Variants in GPC5 observed in about 807,000 individuals in gnomAD.
The protein encoded by GPC5 is glypican 5, also known as glypican-5.
Under a neutral mutation model 53.9 loss-of-function variants are expected in GPC5, and 47 were observed. The observed-to-expected ratio is 0.87, with a 90% CI of 0.69 to 1.11. GPC5 has a LOEUF of 1.11. Among genes scored for constraint, GPC5 ranks in the 50% most tolerant of loss-of-function variants. The pLI is 0.00. For missense variants in GPC5, 748 were observed against 713.1 expected (o/e 1.05, Z -0.56); for synonymous variants, 286 against 263.3 (o/e 1.09, Z -0.84).
chr13:91,710,554 C>A (rs2036202745), intron 3 of GPC5, among the ~76,000 whole-genome samples: 1 of 152,116 alleles, frequency 6.6e-6, no homozygotes, highest in African/African-American at 2.4e-5. Context: ...ATAATCTATT[C>A]TAAATAGCTC....
intron 7 of GPC5, among the ~76,000 whole-genome samples, chr13:92,668,011 A>T (rs1168508130): frequency 6.6e-6 from 1 of 152,164 alleles, no homozygotes; most frequent in Non-Finnish European, 1.5e-5. Flanking sequence ...AGAGCTATAA[A>T]TGCTTTAAAA....
intron 7 of GPC5, among the ~76,000 whole-genome samples, chr13:92,709,163 C>T (rs1470491582): frequency 1.3e-5 from 2 of 151,840 alleles, no homozygotes; most frequent in Non-Finnish European, 2.9e-5. Context: ...TCTCCTGCCT[C>T]AGCCTCCCAA....
chr13:92,122,312 C>T (rs368477576), intron 6 of GPC5, among the ~76,000 whole-genome samples: 1 of 149,876 alleles, frequency 6.7e-6, no homozygotes, highest in Non-Finnish European at 1.5e-5. Context: ...TCTGCTGGCC[C>T]TTTTGCTTTT....
chr13:92,342,515 C>A (rs878942968), intron 7 of GPC5, among the ~76,000 whole-genome samples: 1 of 152,056 alleles, frequency 6.6e-6, no homozygotes, highest in African/African-American at 2.4e-5. Flanking sequence ...GCTTGTGCAC[C>A]TCTTCTTCCA....
chr13:92,561,645 T>C (rs111747802), intron 7 of GPC5, among the ~76,000 whole-genome samples: 1 of 152,162 alleles, frequency 6.6e-6, no homozygotes, highest in African/African-American at 2.4e-5. Context: ...CTGTGCAGTG[T>C]TATCATTAGT....
intron 6 of GPC5, among the ~76,000 whole-genome samples, chr13:91,951,019 T>A (rs2040021386): frequency 6.6e-6 from 1 of 152,152 alleles, no homozygotes; most frequent in Admixed American, 6.6e-5. Flanking sequence ...TGTTTTAGGG[T>A]GTGTACTGAT....
At chr13:92,446,860 A>G (rs1182910333) in intron 7 of GPC5, 2 of 150,764 alleles carry the variant, frequency 1.3e-5, no homozygotes, top group Non-Finnish European at 3.0e-5. Context: ...TGCAGTTTTG[A>G]TTTGCATTTA....
At chr13:92,264,329 G>A (rs1235955531) in intron 7 of GPC5, among the ~76,000 whole-genome samples, 2 of 152,052 alleles carry the variant, frequency 1.3e-5, no homozygotes, top group African/African-American at 2.4e-5. Context: ...TACCTTGTAA[G>A]AGTAAACCCA....
chr13:92,443,735 A>G lies in GPC5; in HGVS notation c.1561+298746A>G, dbSNP rs149404537. On this transcript the variant is annotated intron_variant, in intron 7 of 7. Coordinates refer to ENST00000377067, the MANE Select transcript of GPC5 (RefSeq NM_004466.6). ...AGCGGTATGTAGAACATGTTACAAC[A>G]GTACAGAGGCAGCAAAAAGATGCAG... 1.3e-3 allele frequency among the ~76,000 whole-genome samples: 201 copies of G among 152,342 alleles called. 1 individual carries two copies. Among genetic ancestry groups the G allele is most frequent in the African/African-American group, 4.4e-3 (185 of 41,584 alleles).
intron 2 of GPC5, among the ~76,000 whole-genome samples, chr13:91,650,811 GA>G (rs1347760703): frequency 3.6e-5 from 5 of 139,598 alleles, no homozygotes; most frequent in African/African-American, 8.3e-5. Context: ...TCAACTGGGG[GA>G]AAAATCTTTT....
At chr13:92,460,364 A>T (rs1878429501) in intron 7 of GPC5, among the ~76,000 whole-genome samples, 1 of 152,184 alleles carries the variant, frequency 6.6e-6, no homozygotes, top group Non-Finnish European at 1.5e-5. Flanking sequence ...TTTACTCCCC[A>T]AACAGAATAC....
At chr13:92,584,121 GA>G (rs1186022254) in intron 7 of GPC5, among the ~76,000 whole-genome samples, 7 of 152,074 alleles carry the variant, frequency 4.6e-5, no homozygotes, top group African/African-American at 1.7e-4. Context: ...GGGCATTACT[GA>G]AAAAAATACT....
intron 7 of GPC5, among the ~76,000 whole-genome samples, chr13:92,390,489 C>T (rs564229429): frequency 1.2e-4 from 19 of 152,240 alleles, no homozygotes; most frequent in African/African-American, 4.6e-4. Flanking sequence ...TTCTGCATGA[C>T]ATAATCGGCT....
intron 5 of GPC5, among the ~76,000 whole-genome samples, chr13:91,864,602 TA>T (rs2039064479): frequency 6.6e-6 from 1 of 152,152 alleles, no homozygotes; most frequent in Non-Finnish European, 1.5e-5. Context: ...GAGCTGTGAC[TA>T]AAAATGAGCA....
At chr13:91,441,877 T>C (rs1720653369) in intron 1 of GPC5, among the ~76,000 whole-genome samples, 1 of 152,204 alleles carries the variant, frequency 6.6e-6, no homozygotes, top group South Asian at 2.1e-4. Context: ...GAGCATTTGG[T>C]ATTTCATAAC....
intron 7 of GPC5, among the ~76,000 whole-genome samples, chr13:92,352,051 T>C (rs574750193): frequency 2.0e-4 from 31 of 152,294 alleles, no homozygotes; most frequent in African/African-American, 7.0e-4. Flanking sequence ...TTAAACCAGA[T>C]GACTTAACTC....
At chr13:92,222,132 G>A (rs969621579) in intron 7 of GPC5, among the ~76,000 whole-genome samples, 1 of 152,050 alleles carries the variant, frequency 6.6e-6, no homozygotes, top group Non-Finnish European at 1.5e-5. Context: ...ATCTTCCTGC[G>A]GTATCTCCGA....
intron 2 of GPC5, among the ~76,000 whole-genome samples, chr13:91,500,858 G>T (rs1884583313): frequency 6.6e-6 from 1 of 152,132 alleles, no homozygotes; most frequent in Admixed American, 6.5e-5. Flanking sequence ...TGGCTCATAG[G>T]GGTGGTTCCC....
intron 6 of GPC5, among the ~76,000 whole-genome samples, chr13:92,036,447 C>T (rs1160249630): frequency 2.6e-5 from 4 of 152,096 alleles, no homozygotes; most frequent in East Asian, 1.9e-4. Context: ...ATTCTCAAGG[C>T]GCTTTCTTGA....
Sources: gnomAD v4.1 joint callset for allele counts (sites outside exome capture counted in the v4.1 genomes callset) on GRCh38, gnomAD v4.1.1 for gene constraint, MANE v1.5 for transcripts, NCBI Gene and HGNC (gene_info 2026-07-23, HGNC 2026-07-21) for gene names.